The following RDX variants were observed in gnomAD, a reference collection of about 807,000 sequenced individuals.
RDX encodes radixin, also known as deafness, autosomal recessive 24.
In RDX, 32 loss-of-function variants were observed where a neutral mutation model predicts 83.7. The observed-to-expected ratio is 0.38, with a 90% CI of 0.29 to 0.51. The LOEUF (loss-of-function observed/expected upper bound fraction) is 0.51, where lower values mean the gene tolerates loss of function less well. Among genes scored for constraint, RDX ranks in the 20% least tolerant of loss-of-function variants. The pLI is 0.87. For synonymous variants in RDX, 229 were observed against 222.7 expected (o/e 1.03, Z -0.25); for missense variants, 600 against 689.9 (o/e 0.87, Z 1.46).
chr11:110,254,010 T>C lies in RDX; in HGVS notation c.895A>G (p.Thr299Ala), dbSNP rs1174649339. Residue 299 changes from threonine (T) to alanine (A), a missense_variant, in exon 9 of 14, where the codon ACT becomes GCT. By Grantham distance (58) the Thr-to-Ala change is moderately conservative (BLOSUM62 0). Coordinates refer to ENST00000645495, the MANE Select transcript of RDX (RefSeq NM_002906.4). Reference protein sequence around the residue: ...ELYMRRRKPDTIEVQQMKAQA... With the variant: ...ELYMRRRKPDAIEVQQMKAQA... ...GCCTTCATCTGTTGTACTTCAATAG[T>C]ATCAGGCTTCCTTCTTCGCATGTAT... 9 of 1,613,686 alleles carry C rather than the reference T, an allele frequency of 5.6e-6. No homozygotes were observed. The highest frequency in any genetic ancestry group is 1.7e-5 in the Admixed American group (1 of 59,938).
intron 15 of RDX, among the ~76,000 whole-genome samples, chr11:110,182,356 C>T (rs1565279159): frequency 2.0e-5 from 3 of 152,214 alleles, no homozygotes; most frequent in Non-Finnish European, 4.4e-5. Context: ...AATCCCAGCA[C>T]TTTGGGAAAC....
chr11:110,215,011 TAAAAA>T (rs967407530), intron 14 of RDX, among the ~76,000 whole-genome samples: 1 of 99,688 alleles, frequency 1.0e-5, no homozygotes, highest in Admixed American at 1.1e-4. Context: ...ATGAAAAAAA[TAAAAA>T]AAACATTTAG....
intron 3 of RDX, among the ~76,000 whole-genome samples, chr11:110,267,428 G>C (rs996838180): frequency 1.2e-4 from 18 of 151,804 alleles, no homozygotes; most frequent in African/African-American, 4.1e-4. Context: ...CAGTAGAATT[G>C]CTTGAGCCCA....
At chr11:110,283,551 A>C (rs1860849876) in intron 1 of RDX, among the ~76,000 whole-genome samples, 1 of 152,220 alleles carries the variant, frequency 6.6e-6, no homozygotes, top group African/African-American at 2.4e-5. Flanking sequence ...ATAAAATGTA[A>C]GTAAGTTAAT....
intron 5 of RDX, among the ~76,000 whole-genome samples, chr11:110,258,571 T>C (rs1442270870): frequency 6.6e-6 from 1 of 152,110 alleles, no homozygotes; most frequent in Non-Finnish European, 1.5e-5. Flanking sequence ...TAATACTTGC[T>C]CCATAAAGTG....
chr11:110,201,603 A>G (rs150430450), intron 14 of RDX, among the ~76,000 whole-genome samples: 2,460 of 152,268 alleles, frequency 0.016, 87 homozygotes, highest in African/African-American at 0.055. Context: ...TAAAAATCAC[A>G]TGAGCTGGAT....
chr11:110,270,107 T>C (rs1860243283), intron 3 of RDX, among the ~76,000 whole-genome samples: 1 of 152,074 alleles, frequency 6.6e-6, no homozygotes, highest in South Asian at 2.1e-4. Context: ...CAATATGAAC[T>C]GTGTGTGCAT....
At chr11:110,258,778 T>G (rs1859665171) in intron 5 of RDX, among the ~76,000 whole-genome samples, 4 of 152,036 alleles carry the variant, frequency 2.6e-5, no homozygotes, top group Non-Finnish European at 5.9e-5. Flanking sequence ...AAAAGTAGAG[T>G]GAAAAGTCAT....
intron 3 of RDX, among the ~76,000 whole-genome samples, chr11:110,267,211 T>C (rs1045316982): frequency 4.6e-5 from 7 of 152,084 alleles, no homozygotes; most frequent in African/African-American, 1.4e-4. Context: ...GCCTGTTTTT[T>C]AAAAAATAAT....
rs1864611230 is a variant in RDX, at chr11:110,230,961, T to TA, written c.*907dup. Reference sequence around the variant, plus strand: ...GCCCTTCCAGAAAAGGTCCAGGTTTTAAAAAATAACATTAGTTACCAACAA... The same window carrying TA: ...GCCCTTCCAGAAAAGGTCCAGGTTTTAAAAAAATAACATTAGTTACCAACAA... On this transcript the variant is annotated 3_prime_UTR_variant, in exon 14 of 14. Transcript: ENST00000645495. The TA allele has an allele frequency of 6.6e-6, 1 of 152,540 alleles. No homozygotes were observed. The highest frequency in any genetic ancestry group is 2.4e-5 in the African/African-American group (1 of 41,420). 9.4% of individuals were successfully genotyped at this position (152,540 alleles called of 1,614,324 possible).
intron 14 of RDX, among the ~76,000 whole-genome samples, chr11:110,214,989 A>G (rs535888760): frequency 1.2e-4 from 17 of 147,292 alleles, no homozygotes; most frequent in Admixed American, 2.7e-4. Flanking sequence ...CTTAAAGTAT[A>G]ATAAAAAAAA....
At chr11:110,248,669 C>T (rs1451464366) in intron 9 of RDX, among the ~76,000 whole-genome samples, 2 of 152,044 alleles carry the variant, frequency 1.3e-5, no homozygotes, top group Non-Finnish European at 2.9e-5. Context: ...ATGTCAGCAC[C>T]AAAAGAGTTA....
chr11:110,285,620 G>A (rs1860950208), intron 1 of RDX, among the ~76,000 whole-genome samples: 2 of 150,536 alleles, frequency 1.3e-5, no homozygotes, highest in Admixed American at 1.3e-4. Flanking sequence ...GGCTGAGGCA[G>A]GAGAATCGCT....
At chr11:110,245,018 G>A (rs1172066978) in intron 10 of RDX, among the ~76,000 whole-genome samples, 1 of 149,482 alleles carries the variant, frequency 6.7e-6, no homozygotes, top group East Asian at 2.0e-4. Context: ...AGGCAGAAGC[G>A]CAGTAGTGCA....
intron 15 of RDX, among the ~76,000 whole-genome samples, chr11:110,196,417 C>A (rs1163880830): frequency 1.3e-5 from 2 of 152,170 alleles, no homozygotes; most frequent in African/African-American, 4.8e-5. Context: ...ACACTCTGAC[C>A]TCAGCCTGGT....
At chr11:110,216,418 G>T (rs1864053556) in intron 14 of RDX, among the ~76,000 whole-genome samples, 1 of 151,588 alleles carries the variant, frequency 6.6e-6, no homozygotes, top group Non-Finnish European at 1.5e-5. Context: ...TGTTGCTCAG[G>T]CTGGAGTGCA....
chr11:110,263,831 GCAC>G, intron 5 of RDX, 126 bp downstream of exon 5: 1 of 772,174 alleles, frequency 1.3e-6, no homozygotes, highest in Non-Finnish European at 2.1e-6. Flanking sequence ...TCACGCCACT[GCAC>G]TCCAGCATGG....
At chr11:110,252,116 A>C (rs1283987807) in intron 9 of RDX, among the ~76,000 whole-genome samples, 1 of 152,234 alleles carries the variant, frequency 6.6e-6, no homozygotes, top group African/African-American at 2.4e-5. Flanking sequence ...CTAGGTGACT[A>C]GAATAATATA....
At chr11:110,200,054 C>T (rs1863348986) in intron 14 of RDX, among the ~76,000 whole-genome samples, 1 of 152,122 alleles carries the variant, frequency 6.6e-6, no homozygotes, top group African/African-American at 2.4e-5. Flanking sequence ...TCATGTCATT[C>T]AGTAATGTGT....
Sources: allele counts gnomAD v4.1 joint callset (sites outside exome capture counted in the v4.1 genomes callset), GRCh38; gene constraint gnomAD v4.1.1; transcripts MANE v1.5; gene names NCBI Gene and HGNC (gene_info 2026-07-23, HGNC 2026-07-21).